The following DPYD variants were observed in gnomAD, a reference collection of about 807,000 sequenced individuals.
DPYD encodes dihydropyrimidine dehydrogenase [NADP(+)].
Under a neutral mutation model 116.2 loss-of-function variants are expected in DPYD, and 109 were observed. That is an observed-to-expected ratio of 0.94 (90% CI 0.80 to 1.10). The LOEUF is 1.10. Among genes scored for constraint, DPYD ranks in the 50% least tolerant of loss-of-function variants. The probability of loss-of-function intolerance (pLI) is 0.00; values close to 1 mark genes in which losing one functional copy is unlikely to be tolerated. For synonymous variants in DPYD, 440 were observed against 432.0 expected, an observed-to-expected ratio of 1.02 and a Z score of -0.23; for missense variants, 1,302 against 1,254.5, an observed-to-expected ratio of 1.04 and a Z score of -0.57.
intron 3 of DPYD, among the ~76,000 whole-genome samples, chr1:97,815,878 T>C (rs1414099366): frequency 1.3e-5 from 2 of 152,074 alleles, no homozygotes; most frequent in Non-Finnish European, 2.9e-5. Context: ...GGAAATGGGA[T>C]CCAGATCACA....
At chr1:97,577,000 A>G (rs1557811237) in intron 10 of DPYD, among the ~76,000 whole-genome samples, 1 of 152,234 alleles carries the variant, frequency 6.6e-6, no homozygotes, top group Non-Finnish European at 1.5e-5. Flanking sequence ...TTGCATATAT[A>G]TATTTGTTTG....
At chr1:97,556,245 C>T (rs1651695877) in intron 11 of DPYD, among the ~76,000 whole-genome samples, 1 of 152,156 alleles carries the variant, frequency 6.6e-6, no homozygotes, top group Non-Finnish European at 1.5e-5. Flanking sequence ...TTTAGCCTGG[C>T]TTCTGTGACA....
chr1:97,116,268 A>G (rs575779045), intron 20 of DPYD, among the ~76,000 whole-genome samples: 1 of 152,152 alleles, frequency 6.6e-6, no homozygotes. Flanking sequence ...TCCCTATTCA[A>G]TGAGCACACC....
intron 3 of DPYD, among the ~76,000 whole-genome samples, chr1:97,826,262 C>T (rs1669240444): frequency 6.6e-6 from 1 of 152,150 alleles, no homozygotes; most frequent in Non-Finnish European, 1.5e-5. Flanking sequence ...CGAAATTTGG[C>T]AGAATTTAAT....
At chr1:97,454,190 C>T (rs1043710091) in intron 13 of DPYD, among the ~76,000 whole-genome samples, 11 of 151,676 alleles carry the variant, frequency 7.3e-5, no homozygotes, top group African/African-American at 2.7e-4. Context: ...TATTGTTTTG[C>T]CAAAAACATT....
chr1:97,319,928 A>G (rs1264134568), intron 16 of DPYD, among the ~76,000 whole-genome samples: 2 of 118,808 alleles, frequency 1.7e-5, no homozygotes, highest in African/African-American at 6.2e-5. Context: ...CTGGTTCAAT[A>G]TACGCAAATC....
intron 20 of DPYD, among the ~76,000 whole-genome samples, chr1:97,169,550 T>G (rs1198625551): frequency 6.7e-6 from 1 of 149,692 alleles, no homozygotes; most frequent in Non-Finnish European, 1.5e-5. Flanking sequence ...TTTATTTTAT[T>G]TTATTTTATT....
At chr1:97,354,697 T>C (rs1670334231) in intron 16 of DPYD, among the ~76,000 whole-genome samples, 1 of 152,192 alleles carries the variant, frequency 6.6e-6, no homozygotes, top group Non-Finnish European at 1.5e-5. Context: ...TCAGAACTAC[T>C]TTCCTGGGTC....
intron 8 of DPYD, among the ~76,000 whole-genome samples, chr1:97,661,367 T>C (rs112470480): frequency 6.6e-6 from 1 of 152,186 alleles, no homozygotes; most frequent in African/African-American, 2.4e-5. Flanking sequence ...TGTTCAATTA[T>C]TCGGCATTAT....
intron 19 of DPYD, among the ~76,000 whole-genome samples, chr1:97,208,235 C>A (rs1449884032): frequency 7.3e-6 from 1 of 136,518 alleles, no homozygotes; most frequent in East Asian, 2.1e-4. Context: ...TTTTCTTTCT[C>A]TTTCTTCTTT....
At chr1:97,473,222 C>T (rs1677756955) in intron 13 of DPYD, among the ~76,000 whole-genome samples, 1 of 152,208 alleles carries the variant, frequency 6.6e-6, no homozygotes, top group Non-Finnish European at 1.5e-5. Context: ...TCATACAATA[C>T]AGTAGTACTT....
chr1:97,750,500 T>C (rs1164794959), intron 3 of DPYD, among the ~76,000 whole-genome samples: 1 of 152,184 alleles, frequency 6.6e-6, no homozygotes, highest in Non-Finnish European at 1.5e-5. Context: ...TTTTTTGCAA[T>C]AAGTAAGTAT....
chr1:97,434,955 C>T (rs1675391387), intron 14 of DPYD, among the ~76,000 whole-genome samples: 2 of 151,984 alleles, frequency 1.3e-5, no homozygotes, highest in South Asian at 4.1e-4. Context: ...ATTGTGAAAT[C>T]GATTCAGAGA....
chr1:97,543,912 G>C (rs1650634263), intron 12 of DPYD, among the ~76,000 whole-genome samples: 2 of 152,140 alleles, frequency 1.3e-5, no homozygotes, highest in South Asian at 4.1e-4. Flanking sequence ...GGACGAGGAG[G>C]AGAAAGCCAA....
intron 18 of DPYD, among the ~76,000 whole-genome samples, chr1:97,257,464 A>AG (rs1557977908): frequency 0.13 from 17,310 of 137,996 alleles, 1,267 homozygotes; most frequent in East Asian, 0.31. Flanking sequence ...GAGAGAGAGA[A>AG]AGAGAGAGAG....
chr1:97,162,214 C>A (rs1462174572), intron 20 of DPYD, among the ~76,000 whole-genome samples: 4 of 152,080 alleles, frequency 2.6e-5, no homozygotes, highest in African/African-American at 9.7e-5. Flanking sequence ...CCTATTTGTC[C>A]ACATCCTCTC....
chr1:97,866,182 C>T (rs1671367083), intron 2 of DPYD, among the ~76,000 whole-genome samples: 1 of 151,942 alleles, frequency 6.6e-6, no homozygotes, highest in African/African-American at 2.4e-5. Flanking sequence ...CATTCATTCT[C>T]CTAACCACCT....
chr1:97,599,860 CAAAAAAAAAAAAAAAAAAA>C (rs56940277), intron 8 of DPYD, among the ~76,000 whole-genome samples: 4 of 36,444 alleles, frequency 1.1e-4, no homozygotes, highest in African/African-American at 1.1e-4. Context: ...CCCATCTCCA[CAAAAAAAAAAAAAAAAAAA>C]AAAAAAAAAA....
intron 16 of DPYD, chr1:97,322,621 A>G (rs1197973212): frequency 2.6e-5 from 4 of 151,996 alleles, no homozygotes; most frequent in Admixed American, 6.6e-5. Context: ...GAATATATTT[A>G]TTACACTCAT....
Sources: gnomAD v4.1 joint callset for allele counts (sites outside exome capture counted in the v4.1 genomes callset) on GRCh38, gnomAD v4.1.1 for gene constraint, MANE v1.5 for transcripts, NCBI Gene and HGNC (gene_info 2026-07-23, HGNC 2026-07-21) for gene names.